The following PTPRG variants were observed in gnomAD, a reference collection of about 807,000 sequenced individuals.
PTPRG encodes the protein protein tyrosine phosphatase receptor type G, also known as receptor-type tyrosine-protein phosphatase gamma.
A neutral mutation model predicts 165.3 loss-of-function variants in PTPRG; 102 were observed. That is an observed-to-expected ratio of 0.62 (90% confidence interval 0.53 to 0.73). PTPRG has a LOEUF of 0.73. Ranked by LOEUF, PTPRG falls within the 30% of genes least tolerant of loss-of-function variation. PTPRG has a pLI of 0.00. For synonymous variants in PTPRG, 675 were observed against 669.5 expected, an observed-to-expected ratio of 1.01 and a Z score of -0.13; for missense variants, 1,866 against 1,861.4, an observed-to-expected ratio of 1.00 and a Z score of -0.05.
chr3:62,230,662 TC>T (rs966037762), intron 13 of PTPRG, among the ~76,000 whole-genome samples: 3 of 152,222 alleles, frequency 2.0e-5, no homozygotes, highest in African/African-American at 7.2e-5. Context: ...CAACTGCTGT[TC>T]CCATCTCCCT....
At chr3:62,112,531 T>TAATG (rs1168654554) in intron 5 of PTPRG, among the ~76,000 whole-genome samples, 2 of 152,264 alleles carry the variant, frequency 1.3e-5, no homozygotes, top group African/African-American at 4.8e-5. Flanking sequence ...TAAAGAGAAA[T>TAATG]AATGAATGTA....
intron 2 of PTPRG, among the ~76,000 whole-genome samples, chr3:61,781,265 G>A (rs185089787): frequency 1.2e-4 from 19 of 152,268 alleles, no homozygotes; most frequent in East Asian, 3.9e-4. Flanking sequence ...AGAATTTGCC[G>A]AGTGTTTCAC....
chr3:61,615,786 C>CT (rs1559525447), intron 1 of PTPRG, among the ~76,000 whole-genome samples: 1 of 152,124 alleles, frequency 6.6e-6, no homozygotes, highest in African/African-American at 2.4e-5. Context: ...TTCCTGTGTC[C>CT]TTTTGACATG....
chr3:61,874,625 G>C (rs1483070637), intron 2 of PTPRG, among the ~76,000 whole-genome samples: 3 of 152,002 alleles, frequency 2.0e-5, no homozygotes, highest in African/African-American at 4.8e-5. Context: ...CCTTCTCCCT[G>C]GAAATATTTG....
chr3:62,277,835 CATAGTCTCACA>C (rs1702284076), intron 26 of PTPRG, among the ~76,000 whole-genome samples, 156 bp downstream of exon 26: 1 of 152,086 alleles, frequency 6.6e-6, no homozygotes, highest in Admixed American at 6.6e-5. Flanking sequence ...AGATTCCTTT[CATAGTCTCACA>C]ATACTGTCCC....
intron 28 of PTPRG, among the ~76,000 whole-genome samples, chr3:62,285,415 T>G (rs1702605445): frequency 6.6e-6 from 1 of 151,568 alleles, no homozygotes; most frequent in Non-Finnish European, 1.5e-5. Context: ...TGCACGCATT[T>G]GATCTGTGAG....
intron 8 of PTPRG, among the ~76,000 whole-genome samples, chr3:62,180,266 A>C (rs1346685330): frequency 6.6e-6 from 1 of 152,206 alleles, no homozygotes; most frequent in Admixed American, 6.5e-5. Flanking sequence ...TTTGGATACC[A>C]GTCTTGTGTT....
chr3:61,606,347 C>T (rs532145300), intron 1 of PTPRG, among the ~76,000 whole-genome samples: 6 of 152,244 alleles, frequency 3.9e-5, no homozygotes, highest in South Asian at 4.1e-4. Flanking sequence ...GGTGGGGGTG[C>T]GGGGTGTCAG....
chr3:61,810,763 T>C (rs973834037), intron 2 of PTPRG, among the ~76,000 whole-genome samples: 2 of 152,172 alleles, frequency 1.3e-5, no homozygotes, highest in Non-Finnish European at 2.9e-5. Context: ...TTAGAATGAA[T>C]AGGCATTTTT....
intron 1 of PTPRG, among the ~76,000 whole-genome samples, chr3:61,699,366 A>G (rs906165995): frequency 6.6e-6 from 1 of 152,068 alleles, no homozygotes; most frequent in Non-Finnish European, 1.5e-5. Context: ...TTTGCATTCA[A>G]TCTGTTGTGA....
At chr3:61,975,269 A>G (rs887461151) in intron 2 of PTPRG, among the ~76,000 whole-genome samples, 11 of 152,198 alleles carry the variant, frequency 7.2e-5, no homozygotes, top group African/African-American at 2.7e-4. Context: ...TGCCTCATCT[A>G]TAAAATGGGG....
In PTPRG at chr3:61,928,413, G is replaced by T. The variant is rs527815165; in HGVS notation, c.191-61212G>T. On this transcript the variant is annotated intron_variant, in intron 2 of 29. Coordinates refer to ENST00000474889, the MANE Select transcript of PTPRG (RefSeq NM_002841.4). ...TTTCCAAACCAGACTTATTTTGCCTGAGTCCATTTTTTTAATCCCCTACTT... is the reference window on the plus strand; with the variant it reads ...TTTCCAAACCAGACTTATTTTGCCTTAGTCCATTTTTTTAATCCCCTACTT... 9.9e-5 allele frequency among the ~76,000 whole-genome samples: 15 copies of T among 152,248 alleles called. No homozygotes were observed. The South Asian group carries it at 2.9e-3, about 29-fold the overall frequency.
At chr3:61,955,682 G>A (rs575118411) in intron 2 of PTPRG, among the ~76,000 whole-genome samples, 19 of 152,194 alleles carry the variant, frequency 1.2e-4, no homozygotes, top group South Asian at 4.1e-4. Flanking sequence ...ACTTTGGCAC[G>A]GGAATGTTCT....
At chr3:62,069,992 T>C (rs1256614302) in intron 4 of PTPRG, among the ~76,000 whole-genome samples, 1 of 152,156 alleles carries the variant, frequency 6.6e-6, no homozygotes, top group Non-Finnish European at 1.5e-5. Flanking sequence ...AAAATAACAA[T>C]GATCCTTTTA....
intron 2 of PTPRG, among the ~76,000 whole-genome samples, chr3:61,874,883 G>C (rs572809465): frequency 6.6e-6 from 1 of 152,326 alleles, no homozygotes; most frequent in South Asian, 2.1e-4. Flanking sequence ...CATTGCTCCA[G>C]CGTTGAGTAA....
rs144595789 is a variant in PTPRG at position 61,765,527 on chromosome 3, C to T, written c.190+16545C>T. Among the ~76,000 whole-genome samples the T allele has an allele frequency of 9.8e-3, 1,491 of 152,256 alleles. 29 individuals carry two copies. Among genetic ancestry groups the T allele is most frequent in the African/African-American group, 0.034 (1,433 of 41,538 alleles). ...GGATCAGCTGGCCAAGCCCCTACAGCACCCTGAGAAAATTTATAGTTACCC... is the reference window on the plus strand; with the variant it reads ...GGATCAGCTGGCCAAGCCCCTACAGTACCCTGAGAAAATTTATAGTTACCC... On this transcript the variant is annotated intron_variant, in intron 2 of 29. Coordinates refer to ENST00000474889, the MANE Select transcript of PTPRG (RefSeq NM_002841.4).
At chr3:61,819,357 A>G (rs912476730) in intron 2 of PTPRG, among the ~76,000 whole-genome samples, 2 of 152,170 alleles carry the variant, frequency 1.3e-5, no homozygotes, top group Non-Finnish European at 2.9e-5. Flanking sequence ...GAGGTCGGTA[A>G]ATGATTGCTA....
At chr3:62,071,766 T>A (rs1701217553) in intron 4 of PTPRG, among the ~76,000 whole-genome samples, 1 of 152,182 alleles carries the variant, frequency 6.6e-6, no homozygotes, top group African/African-American at 2.4e-5. Context: ...AACCCCACTT[T>A]CCTTCCTTAG....
At chr3:62,074,237 A>G (rs1320806137) in intron 4 of PTPRG, among the ~76,000 whole-genome samples, 3 of 151,628 alleles carry the variant, frequency 2.0e-5, no homozygotes, top group South Asian at 2.1e-4. Context: ...CAAAAGAGGT[A>G]TAGTATAAAT....
Sources: gnomAD v4.1 joint callset for allele counts (sites outside exome capture counted in the v4.1 genomes callset) on GRCh38, gnomAD v4.1.1 for gene constraint, MANE v1.5 for transcripts, NCBI Gene and HGNC (gene_info 2026-07-23, HGNC 2026-07-21) for gene names.